Variants in ABCC9 observed in about 807,000 individuals in gnomAD.
ABCC9 encodes ATP binding cassette subfamily C member 9, also known as ATP-binding cassette sub-family C member 9.
In ABCC9, 95 loss-of-function variants were observed where a neutral mutation model predicts 188.3. That is an observed-to-expected ratio of 0.50 (90% CI 0.43 to 0.60). The LOEUF (loss-of-function observed/expected upper bound fraction) is 0.60. Among genes scored for constraint, ABCC9 ranks in the 20% least tolerant of loss-of-function variants. The pLI, the probability that ABCC9 is intolerant of heterozygous loss-of-function variation, is 0.00. For missense variants in ABCC9, 1,102 were observed against 1,876.3 expected (o/e 0.59, Z 7.62); for synonymous variants, 659 against 652.7 (o/e 1.01, Z -0.15).
chr12:21,799,557 C>T lies in ABCC9; in HGVS notation c.*1487G>A, dbSNP rs1202179796. On this transcript the variant is annotated 3_prime_UTR_variant, in exon 40 of 40. Transcript: ENST00000261200. ...AATATCATGGACCATTTTTGTCCATCTTGTGGAACTTATTTTTTTGTAAAT... is the reference window on the plus strand; with the variant it reads ...AATATCATGGACCATTTTTGTCCATTTTGTGGAACTTATTTTTTTGTAAAT... The T allele has an allele frequency of 6.6e-6, 1 of 152,144 alleles. No homozygotes were observed. The highest frequency in any genetic ancestry group is 1.5e-5 in the Non-Finnish European group (1 of 68,022). 9.4% of individuals were successfully genotyped at this position (152,144 alleles called of 1,614,324 possible).
intron 2 of ABCC9, among the ~76,000 whole-genome samples, chr12:21,939,305 T>C (rs1404140691): frequency 6.6e-6 from 1 of 152,074 alleles, no homozygotes; most frequent in Non-Finnish European, 1.5e-5. Context: ...TAACCCGTAG[T>C]CTCCTTATCC....
intron 22 of ABCC9, among the ~76,000 whole-genome samples, chr12:21,855,822 A>G (rs1004734455): frequency 2.0e-5 from 3 of 152,168 alleles, no homozygotes; most frequent in Non-Finnish European, 2.9e-5. Context: ...TACCCCTTCA[A>G]TGTATCACAG....
intron 34 of ABCC9, 130 bp downstream of exon 34, chr12:21,815,633 G>T: frequency 1.8e-6 from 2 of 1,122,652 alleles, no homozygotes; most frequent in Admixed American, 1.9e-5. Flanking sequence ...CTTTTATGCA[G>T]ATAATTTGAC....
chr12:21,801,056 G>A lies in ABCC9; in HGVS notation c.4638C>T (p.Arg1546=), dbSNP rs143310355. Residue 1546 remains arginine, a synonymous_variant, in exon 40 of 40, where the codon CGC becomes CGT. Coordinates refer to ENST00000261200, the MANE Select transcript of ABCC9 (RefSeq NM_020297.4). ...QENGVFASFV[R]ADM ...TTAAGACACTCCTTCACATGTCTGC[G>A]CGAACAAAAGAAGCAAATACTCCAT... 67 of 1,613,640 alleles carry A rather than the reference G, an allele frequency of 4.2e-5. No individual in the cohort carries two copies. The highest frequency in any genetic ancestry group is 1.9e-4 in the African/African-American group (14 of 74,872).
intron 12 of ABCC9, among the ~76,000 whole-genome samples, 170 bp downstream of exon 12, chr12:21,905,956 A>G (rs1948020986): frequency 6.6e-6 from 1 of 152,116 alleles, no homozygotes; most frequent in African/African-American, 2.4e-5. Flanking sequence ...ATTTAAATGT[A>G]AATAGATAGC....
intron 19 of ABCC9, among the ~76,000 whole-genome samples, chr12:21,864,083 A>G (rs1945662575): frequency 2.6e-5 from 4 of 151,568 alleles, no homozygotes; most frequent in Admixed American, 2.0e-4. Context: ...CTTCATCTCT[A>G]CCTTACAGAT....
At position 21,913,076 on chromosome 12, in the gene ABCC9, A is replaced by G; in HGVS notation, c.817-10T>C. On this transcript the variant is annotated splice_polypyrimidine_tract_variant and intron_variant, in intron 7 of 39. Coordinates refer to ENST00000261200, the MANE Select transcript of ABCC9 (RefSeq NM_020297.4). ...GATCTGCAACTTTTTTCTGAAGAAA[A>G]AAAAAAGAAAAAAAAAACAGATGTA... The G allele has an allele frequency of 6.3e-7, 1 of 1,594,280 alleles. No homozygotes were observed. The highest frequency in any genetic ancestry group is 1.2e-5 in the South Asian group (1 of 86,494).
At chr12:21,808,066 T>C (rs557528419) in intron 37 of ABCC9, among the ~76,000 whole-genome samples, 46 of 152,180 alleles carry the variant, frequency 3.0e-4, no homozygotes, top group Middle Eastern at 3.4e-3. Flanking sequence ...TTGGTTTCCA[T>C]CTACATTTCA....
rs908610554 is a variant in ABCC9, at chr12:21,798,661, A to G, written c.*2383T>C. On this transcript the variant is annotated 3_prime_UTR_variant, in exon 40 of 40. Coordinates refer to ENST00000261200, the MANE Select transcript of ABCC9 (RefSeq NM_020297.4). The stretch of plus-strand genomic sequence containing the variant: ...TTCTTTTGCTGTGCAGAAGCTCTTT[A>G]GTTTAACCATTGTGGAAGTCAGTGT... 1.3e-5 allele frequency: 2 copies of G among 152,064 alleles called. No individual in the cohort carries two copies. Among genetic ancestry groups the G allele is most frequent in the East Asian group, 1.9e-4 (1 of 5,162 alleles). The allele number at this position is 152,064 out of a possible 1,614,324, so 9.4% of individuals were successfully genotyped here.
intron 7 of ABCC9, among the ~76,000 whole-genome samples, chr12:21,913,848 T>C (rs1195397397): frequency 6.6e-6 from 1 of 152,184 alleles, no homozygotes; most frequent in Admixed American, 6.5e-5. Context: ...TAGAGCTCAA[T>C]TATGTTCCCT....
chr12:21,896,899 A>G (rs1407411864), intron 12 of ABCC9, among the ~76,000 whole-genome samples: 1 of 152,228 alleles, frequency 6.6e-6, no homozygotes, highest in Non-Finnish European at 1.5e-5. Flanking sequence ...ATGTATCTTT[A>G]AAATAGAATG....
In ABCC9 at chr12:21,879,051, C is replaced by G. The variant is rs1227490451; in HGVS notation, c.2020-3325G>C. On this transcript the variant is annotated intron_variant, in intron 16 of 39. Transcript: ENST00000261200. ...GTTTATGATAGAGGAAAGATGGAGG[C>G]AAGCTCAGTGTACATCACTAGGGGA... 3.3e-5 allele frequency among the ~76,000 whole-genome samples: 5 copies of G among 152,168 alleles called. No individual in the cohort carries two copies. In the South Asian group the frequency reaches 1.0e-3, roughly 31 times the overall value.
chr12:21,860,518 A>G (rs1945451778), intron 21 of ABCC9, among the ~76,000 whole-genome samples: 1 of 152,216 alleles, frequency 6.6e-6, no homozygotes, highest in South Asian at 2.1e-4. Context: ...TAAAGATTAT[A>G]GGTATAACTA....
At chr12:21,830,937 T>C (rs1319206249) in intron 30 of ABCC9, 1 of 151,926 alleles carries the variant, frequency 6.6e-6, no homozygotes, top group East Asian at 1.9e-4. Flanking sequence ...CAAAGGGTTA[T>C]AGGATTTACT....
At chr12:21,818,629 C>G (rs1292337197) in intron 31 of ABCC9, among the ~76,000 whole-genome samples, 1 of 143,522 alleles carries the variant, frequency 7.0e-6, no homozygotes, top group Non-Finnish European at 1.5e-5. Flanking sequence ...CAACAAGGAT[C>G]AGATGTAGGG....
intron 4 of ABCC9, among the ~76,000 whole-genome samples, 183 bp from the exon 5 acceptor site, chr12:21,926,246 G>A (rs1346887793): frequency 5.9e-5 from 9 of 152,118 alleles, no homozygotes; most frequent in Non-Finnish European, 7.4e-5. Context: ...CTGCGGAAAC[G>A]ATTTATCTTA....
chr12:21,851,883 T>G (rs531826473), intron 24 of ABCC9, among the ~76,000 whole-genome samples: 1 of 148,858 alleles, frequency 6.7e-6, no homozygotes, highest in Admixed American at 6.8e-5. Flanking sequence ...AAAACCTGAC[T>G]GCACCTCATC....
chr12:21,929,903 A>C (rs1049172644), intron 4 of ABCC9, among the ~76,000 whole-genome samples: 4 of 152,148 alleles, frequency 2.6e-5, no homozygotes, highest in Non-Finnish European at 5.9e-5. Flanking sequence ...TTACATATGT[A>C]TACATGTGCC....
rs183350002 is a variant in ABCC9, at chr12:21,819,764, G to A, written c.3670-1513C>T. 3.0e-3 allele frequency among the ~76,000 whole-genome samples: 451 copies of A among 152,016 alleles called. 3 individuals are homozygous for A. The highest frequency in any genetic ancestry group is 4.5e-3 in the Non-Finnish European group (308 of 67,958). ...TGTGTATGCATCATAAAACATCAAA[G>A]GTTAAAGCAGGCACTAAAATTTAAT... On this transcript the variant is annotated intron_variant, in intron 31 of 39. Transcript: ENST00000261200.
Sources: gnomAD v4.1 joint callset for allele counts (sites outside exome capture counted in the v4.1 genomes callset) on GRCh38, gnomAD v4.1.1 for gene constraint, MANE v1.5 for transcripts, NCBI Gene and HGNC (gene_info 2026-07-23, HGNC 2026-07-21) for gene names.